The following TEAD1 variants were observed in gnomAD, a reference collection of about 807,000 sequenced individuals.
The protein encoded by TEAD1 is TEA domain transcription factor 1.
TEAD1 carries 9 observed loss-of-function variants against 54.9 expected under a neutral mutation model. That is an observed-to-expected ratio of 0.16 (90% CI 0.10 to 0.29). TEAD1 has a LOEUF of 0.29. Ranked by LOEUF, TEAD1 falls within the 10% of genes least tolerant of loss-of-function variation. The pLI is 1.00. For missense variants in TEAD1, 387 were observed against 535.9 expected, an observed-to-expected ratio of 0.72 and a Z score of 2.74; for synonymous variants, 200 against 187.8, an observed-to-expected ratio of 1.07 and a Z score of -0.53.
At chr11:12,730,629 G>C (rs1259315089) in intron 2 of TEAD1, among the ~76,000 whole-genome samples, 1 of 151,240 alleles carries the variant, frequency 6.6e-6, no homozygotes, top group Admixed American at 6.6e-5. Context: ...AGGTCTTTCA[G>C]GAGGAGCTAA....
intron 3 of TEAD1, among the ~76,000 whole-genome samples, chr11:12,829,988 G>T (rs1590192196): frequency 6.6e-6 from 1 of 152,138 alleles, no homozygotes; most frequent in East Asian, 1.9e-4. Context: ...GTTTGATGAG[G>T]TGATTTTCCT....
intron 2 of TEAD1, among the ~76,000 whole-genome samples, chr11:12,726,318 C>T (rs1047372745): frequency 2.0e-5 from 3 of 152,090 alleles, no homozygotes; most frequent in Non-Finnish European, 1.5e-5. Flanking sequence ...AGAATTGGGA[C>T]GTCATAATTC....
chr11:12,796,023 T>C (rs1945911756), intron 3 of TEAD1, among the ~76,000 whole-genome samples: 1 of 152,180 alleles, frequency 6.6e-6, no homozygotes. Flanking sequence ...CAGACTTCAA[T>C]ATTGAGGTTG....
At chr11:12,805,130 G>T (rs1946141950) in intron 3 of TEAD1, among the ~76,000 whole-genome samples, 2 of 152,166 alleles carry the variant, frequency 1.3e-5, no homozygotes, top group Non-Finnish European at 2.9e-5. Flanking sequence ...AGACCATTTG[G>T]TGGCTTACTG....
chr11:12,902,156 T>C (rs760417625), intron 10 of TEAD1, 43 bp downstream of exon 10: 3 of 1,611,780 alleles, frequency 1.9e-6, no homozygotes, highest in Non-Finnish European at 1.7e-6. Flanking sequence ...TTTGTCTGAA[T>C]GGTCACATCT....
chr11:12,702,926 C>T (rs1353587156), intron 2 of TEAD1, among the ~76,000 whole-genome samples: 1 of 152,152 alleles, frequency 6.6e-6, no homozygotes, highest in Non-Finnish European at 1.5e-5. Flanking sequence ...ATATCAGCCT[C>T]ATTTAATGAG....
chr11:12,751,013 C>G (rs1314511963), intron 2 of TEAD1, among the ~76,000 whole-genome samples: 1 of 152,142 alleles, frequency 6.6e-6, no homozygotes, highest in Non-Finnish European at 1.5e-5. Flanking sequence ...GAATGCCAAA[C>G]ATAGAAAAAT....
intron 2 of TEAD1, among the ~76,000 whole-genome samples, chr11:12,729,477 A>G (rs1036129945): frequency 6.6e-6 from 1 of 152,238 alleles, no homozygotes; most frequent in Non-Finnish European, 1.5e-5. Context: ...TGAGATCATC[A>G]GTAAGTCTGT....
intron 10 of TEAD1, 123 bp downstream of exon 10, chr11:12,902,236 C>G (rs1948437003): frequency 7.4e-7 from 1 of 1,346,122 alleles, no homozygotes; most frequent in South Asian, 1.2e-5. Flanking sequence ...TGCTTCTGCA[C>G]AATTGCCAAG....
chr11:12,759,469 G>A (rs73423622), intron 2 of TEAD1, among the ~76,000 whole-genome samples: 17,728 of 151,946 alleles, frequency 0.12, 3,524 homozygotes, highest in African/African-American at 0.41. Flanking sequence ...GGAGTTTATT[G>A]GAGTGTGTTT....
chr11:12,834,437 G>C (rs1357018531), intron 3 of TEAD1, among the ~76,000 whole-genome samples: 1 of 152,154 alleles, frequency 6.6e-6, no homozygotes, highest in Non-Finnish European at 1.5e-5. Context: ...TTTGTGTTTT[G>C]AGTGAGCTCC....
Position 12,764,170 on chromosome 11 carries a change from C to T in TEAD1, c.-54-9C>T. ...ACATCCTTATACTGTTTTTGGTTTT[C>T]TCTTCTAGGTTTATTTTCTTGAAAA... On this transcript the variant is annotated splice_polypyrimidine_tract_variant and intron_variant, in intron 2 of 12. Transcript: ENST00000527636. The T allele has an allele frequency of 1.9e-6, 3 of 1,558,266 alleles. No homozygotes were observed. The highest frequency in any genetic ancestry group is 1.2e-5 in the South Asian group (1 of 82,026).
intron 9 of TEAD1, among the ~76,000 whole-genome samples, chr11:12,884,150 A>G (rs2134101376): frequency 6.6e-6 from 1 of 151,722 alleles, no homozygotes; most frequent in Non-Finnish European, 1.5e-5. Flanking sequence ...TCTTGTACCC[A>G]TCGTCCCATT....
intron 5 of TEAD1, among the ~76,000 whole-genome samples, chr11:12,870,391 A>C (rs2134080288): frequency 6.6e-6 from 1 of 152,230 alleles, no homozygotes; most frequent in Non-Finnish European, 1.5e-5. Context: ...GAGACAGTGA[A>C]CCAGGAGCAG....
At chr11:12,916,666 C>T (rs558291155) in intron 10 of TEAD1, among the ~76,000 whole-genome samples, 1 of 152,222 alleles carries the variant, frequency 6.6e-6, no homozygotes, top group Non-Finnish European at 1.5e-5. Context: ...CCAAATCTCT[C>T]ACTTCTGCTG....
chr11:12,708,542 G>T (rs948049204), intron 2 of TEAD1, among the ~76,000 whole-genome samples: 2 of 152,030 alleles, frequency 1.3e-5, no homozygotes, highest in African/African-American at 4.8e-5. Context: ...TAGCTTTTCT[G>T]GAGGGCATTT....
chr11:12,844,396 C>G (rs1947098433), intron 3 of TEAD1, among the ~76,000 whole-genome samples: 1 of 152,096 alleles, frequency 6.6e-6, no homozygotes, highest in Admixed American at 6.6e-5. Flanking sequence ...AAAGCCAGTT[C>G]CTCCCCCTTT....
chr11:12,871,622 G>T (rs1018868236), intron 5 of TEAD1, among the ~76,000 whole-genome samples: 1 of 152,046 alleles, frequency 6.6e-6, no homozygotes, highest in East Asian at 1.9e-4. Context: ...CAGCAAAAAG[G>T]CAGTCCTTTC....
intron 3 of TEAD1, among the ~76,000 whole-genome samples, chr11:12,832,936 T>C (rs1946812287): frequency 6.6e-6 from 1 of 152,260 alleles, no homozygotes; most frequent in African/African-American, 2.4e-5. Flanking sequence ...AGGGGACCAC[T>C]AATAACTACC....
Sources: gnomAD v4.1 joint callset for allele counts (sites outside exome capture counted in the v4.1 genomes callset) on GRCh38, gnomAD v4.1.1 for gene constraint, MANE v1.5 for transcripts, NCBI Gene and HGNC (gene_info 2026-07-23, HGNC 2026-07-21) for gene names.